Variants in POLR2G observed in about 807,000 individuals in gnomAD.
POLR2G encodes the protein RNA polymerase II subunit G.
A neutral mutation model predicts 25.7 loss-of-function variants in POLR2G; 19 were observed. That is an observed-to-expected ratio of 0.74 (90% CI 0.52 to 1.08). POLR2G has a LOEUF of 1.08. POLR2G is among the 50% of genes least tolerant of loss of function. The pLI is 0.00. For synonymous variants in POLR2G, 79 were observed against 76.0 expected, an observed-to-expected ratio of 1.04 and a Z score of -0.21; for missense variants, 123 against 218.5, an observed-to-expected ratio of 0.56 and a Z score of 2.76.
At chr11:62,762,509 A>G (rs913194350) in intron 2 of POLR2G, 21 of 426,372 alleles carry the variant, frequency 4.9e-5, no homozygotes, top group Non-Finnish European at 1.0e-4. Context: ...CTGCAGGAAC[A>G]TGCAGATTCC....
intron 3 of POLR2G, among the ~76,000 whole-genome samples, chr11:62,764,503 AAG>A (rs2084105008): frequency 6.6e-6 from 1 of 152,116 alleles, no homozygotes; most frequent in Non-Finnish European, 1.5e-5. Flanking sequence ...CTTAAAAAAA[AAG>A]AGAAAAGGGC....
intron 3 of POLR2G, among the ~76,000 whole-genome samples, chr11:62,763,583 C>T (rs1006502119): frequency 2.6e-5 from 4 of 152,086 alleles, no homozygotes; most frequent in Admixed American, 6.6e-5. Context: ...CTTGAGCCAC[C>T]GCGCCCGGCC....
In POLR2G at chr11:62,762,860, C is replaced by T. The variant is rs1210715970; in HGVS notation, c.123-7C>T. ...CAGTGTCTTCCTGTTTCTCATCCTC[C>T]TTGCAGGTATGGCTTTGTAATTGCT... is the stretch of plus-strand genomic sequence containing the variant. On this transcript the variant is annotated splice_region_variant and splice_polypyrimidine_tract_variant and intron_variant, in intron 2 of 7. Coordinates refer to ENST00000301788, the MANE Select transcript of POLR2G (RefSeq NM_002696.3). 1.3e-6 allele frequency: 2 copies of T among 1,576,220 alleles called. No homozygotes were observed. Among genetic ancestry groups the T allele is most frequent in the South Asian group, 1.1e-5 (1 of 87,988 alleles).
chr11:62,763,136 T>TA, intron 3 of POLR2G, 110 bp downstream of exon 3: 2 of 567,304 alleles, frequency 3.5e-6, no homozygotes, highest in Non-Finnish European at 5.7e-6. Context: ...TCACTTTTTT[T>TA]TTTTTTTTTT....
intron 6 of POLR2G, 122 bp from the exon 7 acceptor site, chr11:62,766,121 G>A: frequency 1.1e-6 from 1 of 874,024 alleles, no homozygotes; most frequent in South Asian, 1.3e-5. Flanking sequence ...CACAGTTTCA[G>A]GGGGTTCTGT....
chr11:62,762,796 G>A (rs2084095127), intron 2 of POLR2G, 71 bp from the exon 3 acceptor site: 14 of 1,305,220 alleles, frequency 1.1e-5, no homozygotes, highest in South Asian at 2.7e-5. Context: ...AGAGCTCAGC[G>A]ACTTTTATTG....
intron 7 of POLR2G, 63 bp from the exon 8 acceptor site, chr11:62,766,431 A>G: frequency 6.3e-7 from 1 of 1,586,566 alleles, no homozygotes; most frequent in Non-Finnish European, 8.7e-7. Flanking sequence ...TGGGATGAGG[A>G]GTACATGGTT....
chr11:62,763,835 G>C (rs972576688), intron 3 of POLR2G, among the ~76,000 whole-genome samples: 2 of 150,896 alleles, frequency 1.3e-5, no homozygotes, highest in Non-Finnish European at 3.0e-5. Flanking sequence ...CTCCGCCTCT[G>C]GGTTCAAGCG....
intron 1 of POLR2G, 41 bp from the exon 2 acceptor site, chr11:62,761,743 TCCAATAACCTG>T: frequency 2.5e-6 from 4 of 1,606,602 alleles, no homozygotes; most frequent in Non-Finnish European, 3.4e-6. Context: ...CCCCTTGTCG[TCCAATAACCTG>T]CCAGCGCCTG....
At chr11:62,762,775 C>A (rs1392410488) in intron 2 of POLR2G, 92 bp from the exon 3 acceptor site, 4 of 1,023,540 alleles carry the variant, frequency 3.9e-6, no homozygotes, top group Non-Finnish European at 4.4e-6. Flanking sequence ...CTCTCCCCGA[C>A]CCTACCCCCA....
At position 62,763,297 on chromosome 11, in the gene POLR2G, AT is replaced by A. The variant is rs775776919; in HGVS notation, c.282+286del. Among the ~76,000 whole-genome samples, 629 of 128,584 alleles carry A rather than the reference AT, an allele frequency of 4.9e-3. 3 individuals are homozygous for A. Among genetic ancestry groups the A allele is most frequent in the African/African-American group, 0.012 (421 of 34,036 alleles). 84.4% of individuals were successfully genotyped at this position (128,584 alleles called of 152,430 possible). ...AAGGCACGTGCCACCATGGCCGGCT[AT>A]TTTTTTTTTTTTTTGAGACGGAGTC... On this transcript the variant is annotated intron_variant, in intron 3 of 7. Transcript: ENST00000301788.
At chr11:62,763,592 C>A (rs12289608) in intron 3 of POLR2G, among the ~76,000 whole-genome samples, 241 of 152,208 alleles carry the variant, frequency 1.6e-3, no homozygotes, top group African/African-American at 5.7e-3. Flanking sequence ...CCGCGCCCGG[C>A]CTGCACTTTC....
intron 3 of POLR2G, among the ~76,000 whole-genome samples, chr11:62,763,516 G>T (rs1258140577): frequency 6.6e-6 from 1 of 150,606 alleles, no homozygotes; most frequent in Non-Finnish European, 1.5e-5. Flanking sequence ...GGATGGTCTC[G>T]ATCTCCTGAC....
rs367662130 is a variant in POLR2G at position 62,762,932 on chromosome 11, G to A, written c.188G>A (p.Arg63Gln). The change falls in exon 3 of 8, where the codon CGA becomes CAA. Residue 63 changes from arginine to glutamine, a missense_variant. Arg to Gln is a conservative substitution (Grantham distance 43). Coordinates refer to ENST00000301788, the MANE Select transcript of POLR2G (RefSeq NM_002696.3). ...GGTGCTGGTGTGATCCAGCCAGGCC[G>A]AGGCTTTGTCCTTTATCCAGTTAAG... ...NIGAGVIQPG[R>Q]GFVLYPVKYK... The A allele has an allele frequency of 6.8e-6, 11 of 1,611,796 alleles. No individual in the cohort carries two copies. The highest frequency in any genetic ancestry group is 1.1e-5 in the South Asian group (1 of 91,008).
At chr11:62,766,138 C>T in intron 6 of POLR2G, 105 bp from the exon 7 acceptor site, 1 of 992,268 alleles carries the variant, frequency 1.0e-6, no homozygotes, top group South Asian at 1.3e-5. Flanking sequence ...CTGTGCTCTT[C>T]TGCCAGGAAG....
chr11:62,765,589 G>A, intron 5 of POLR2G, 64 bp from the exon 6 acceptor site: 1 of 1,226,932 alleles, frequency 8.2e-7, no homozygotes, highest in East Asian at 2.3e-5. Flanking sequence ...TTACAGTGAA[G>A]TGATTGTGAT....
intron 5 of POLR2G, 98 bp downstream of exon 5, chr11:62,765,503 A>G: frequency 8.8e-7 from 1 of 1,140,768 alleles, no homozygotes; most frequent in South Asian, 1.2e-5. Flanking sequence ...TGGTCCCCGA[A>G]TTACCATGGC....
At chr11:62,763,129 C>CTTT (rs149301237) in intron 3 of POLR2G, 103 bp downstream of exon 3, 2,190 of 273,038 alleles carry the variant, frequency 8.0e-3, no homozygotes, top group East Asian at 0.015. Context: ...AGTCACTTCA[C>CTTT]TTTTTTTTTT....
Position 62,761,799 on chromosome 11 carries a change from C to T in POLR2G, c.17C>T (p.Ser6Phe). 6.2e-7 allele frequency: 1 copy of T among 1,613,914 alleles called. No individual in the cohort carries two copies. Among genetic ancestry groups the T allele is most frequent in the Non-Finnish European group, 8.5e-7 (1 of 1,179,872 alleles). ...CCATCCCACTTTTCTCCGCAGATCT[C>T]CCTAGAGCACGAAATCCTGCTGCAC... MFYHI[S>F]LEHEILLHPR... Residue 6 changes from serine (S) to phenylalanine (F), a missense_variant, in exon 2 of 8, where the codon TCC becomes TTC. Ser to Phe is a radical substitution (Grantham distance 155, BLOSUM62 -2). Transcript: ENST00000301788.
Sources: allele counts gnomAD v4.1 joint callset (sites outside exome capture counted in the v4.1 genomes callset), GRCh38; gene constraint gnomAD v4.1.1; transcripts MANE v1.5; gene names NCBI Gene and HGNC (gene_info 2026-07-23, HGNC 2026-07-21).